MRC2: variants seen among roughly 807,000 people sequenced by gnomAD.
MRC2 encodes mannose receptor C-type 2.
A neutral mutation model predicts 206.2 loss-of-function variants in MRC2; 84 were observed. The ratio of observed to expected loss-of-function variants is 0.41; its 90% CI spans 0.34 to 0.49. MRC2 has a LOEUF of 0.49. MRC2 is among the 20% of genes least tolerant of loss of function. MRC2 has a pLI of 0.31. For synonymous variants in MRC2, 798 were observed against 800.0 expected (o/e 1.00, Z 0.04); for missense variants, 1,676 against 2,001.5 (o/e 0.84, Z 3.10).
intron 1 of MRC2, among the ~76,000 whole-genome samples, chr17:62,636,088 A>AT (rs1210168049): frequency 1.3e-3 from 181 of 144,354 alleles, no homozygotes; most frequent in Non-Finnish European, 1.2e-3. Flanking sequence ...CGCCCGGCCA[A>AT]TTTTTTTTTT....
At chr17:62,690,096 C>A in intron 25 of MRC2, 34 bp downstream of exon 25, 1 of 1,582,878 alleles carries the variant, frequency 6.3e-7, no homozygotes, top group Non-Finnish European at 8.6e-7. Flanking sequence ...GGGGCATGGG[C>A]AAGCTGTCGG....
chr17:62,651,744 G>C (rs1346260190), intron 1 of MRC2, among the ~76,000 whole-genome samples: 1 of 151,862 alleles, frequency 6.6e-6, no homozygotes. Flanking sequence ...GCTAATTTTT[G>C]TATTTTTATT....
intron 20 of MRC2, among the ~76,000 whole-genome samples, chr17:62,683,513 T>C (rs2088996403): frequency 6.9e-6 from 1 of 145,596 alleles, no homozygotes; most frequent in African/African-American, 2.5e-5. Context: ...AAAACACCTT[T>C]TTTTTTTTTT....
Position 62,689,483 on chromosome 17 carries a change from A to G in MRC2, c.3335-39A>G, listed in dbSNP as rs200375920. ...CTTGTGCCTGGGAACGGGGTGAGGG[A>G]AGCAGAGCCCAGCCTGAACCCTGAC... On this transcript the variant is annotated intron_variant, in intron 23 of 29. Transcript: ENST00000303375. 43 of 1,367,250 alleles carry G rather than the reference A, an allele frequency of 3.1e-5. No individual in the cohort carries two copies. In the East Asian group the frequency reaches 9.6e-4, roughly 31 times the overall value. The allele number at this position is 1,367,250 out of a possible 1,614,324, so 84.7% of individuals were successfully genotyped here. A position where few individuals can be genotyped will look rare whatever the true frequency, so the allele number is the denominator to read the frequency against.
intron 18 of MRC2, chr17:62,681,560 C>T (rs1215536320): frequency 1.1e-5 from 5 of 474,464 alleles, no homozygotes; most frequent in Non-Finnish European, 1.5e-5. Flanking sequence ...AGAATTTGAG[C>T]TTGTCTTTTT....
chr17:62,631,715 C>T (rs1044413819), intron 1 of MRC2, among the ~76,000 whole-genome samples: 14 of 151,930 alleles, frequency 9.2e-5, no homozygotes, highest in African/African-American at 3.1e-4. Context: ...AGGCCTGGAC[C>T]GAGCCGCCTG....
At position 62,664,494 on chromosome 17, in the gene MRC2, A is replaced by G; in HGVS notation, c.119-54A>G. On this transcript the variant is annotated intron_variant, in intron 1 of 29. Transcript: ENST00000303375. The surrounding 1 kb of genome is among the most constrained non-coding windows in gnomAD (Gnocchi z 4.7). ...TGCCTGTCAGCCACACCGGTCATCAAGGGCCAACCAGGAGAGCCCCTGTGA... is the reference window on the plus strand; with the variant it reads ...TGCCTGTCAGCCACACCGGTCATCAGGGGCCAACCAGGAGAGCCCCTGTGA... 1 of 1,551,086 alleles carries G rather than the reference A, an allele frequency of 6.4e-7. No individual in the cohort carries two copies. Among genetic ancestry groups the G allele is most frequent in the Non-Finnish European group, 8.7e-7 (1 of 1,149,782 alleles).
At chr17:62,637,830 C>T (rs1175565615) in intron 1 of MRC2, among the ~76,000 whole-genome samples, 1 of 152,196 alleles carries the variant, frequency 6.6e-6, no homozygotes, top group Non-Finnish European at 1.5e-5. Context: ...GCCTTTTTGT[C>T]ACTACACAGG....
chr17:62,649,690 C>T (rs767452846), intron 1 of MRC2, among the ~76,000 whole-genome samples: 5 of 152,056 alleles, frequency 3.3e-5, no homozygotes, highest in Admixed American at 6.6e-5. Flanking sequence ...AGCAACAGCT[C>T]ATTAGGAAAC....
In MRC2 at chr17:62,692,245, C is replaced by T. The variant is rs2089120798; in HGVS notation, c.4234C>T (p.Pro1412Ser). Reference sequence around the variant, plus strand: ...CGCCTTGGCAGCGCTTCCAGAGAACCCAGCGGCCCTGGTGGTGGTGCTGAT... The same window carrying T: ...CGCCTTGGCAGCGCTTCCAGAGAACTCAGCGGCCCTGGTGGTGGTGCTGAT... The part of the protein sequence containing the change: ...SFSPSALPEN[P>S]AALVVVLMAV... Residue 1412 changes from proline (P) to serine (S), a missense_variant, in exon 30 of 30, where the codon CCA becomes TCA. By Grantham distance (74) the Pro-to-Ser change is moderately conservative. Around this residue, in one of 3 missense-constraint regions of MRC2, gnomAD observed 1,354 missense variants for 1,636.6 expected, o/e 0.83. Transcript: ENST00000303375. This position sits in a 1 kb window ranked among gnomAD's most constrained non-coding sequence, Gnocchi z 4.2. 1.2e-6 allele frequency: 2 copies of T among 1,610,322 alleles called. No individual in the cohort carries two copies. The highest frequency in any genetic ancestry group is 8.5e-7 in the Non-Finnish European group (1 of 1,178,118).
intron 1 of MRC2, among the ~76,000 whole-genome samples, chr17:62,649,000 C>G (rs1187260415): frequency 6.6e-6 from 1 of 152,226 alleles, no homozygotes; most frequent in African/African-American, 2.4e-5. Flanking sequence ...CCTTCTCTCC[C>G]TTTGTCCTCC....
intron 1 of MRC2, among the ~76,000 whole-genome samples, chr17:62,663,928 C>G (rs1389525111): frequency 6.6e-6 from 1 of 150,592 alleles, no homozygotes; most frequent in African/African-American, 2.4e-5. Context: ...GAAAAGTATA[C>G]AGGTGATGTG....
intron 1 of MRC2, among the ~76,000 whole-genome samples, chr17:62,632,623 C>T (rs2088258571): frequency 6.6e-6 from 1 of 152,188 alleles, no homozygotes; most frequent in South Asian, 2.1e-4. Flanking sequence ...CTCCCCTCTT[C>T]TTTCCCACCT....
In MRC2 at chr17:62,692,748, G is replaced by A; in HGVS notation, c.*297G>A. ...AGAGGTAGGATGGGAGGGGGAACGAGAGCCTCTTTCTCCCCAGAGCCCCCG... is the reference window on the plus strand; with the variant it reads ...AGAGGTAGGATGGGAGGGGGAACGAAAGCCTCTTTCTCCCCAGAGCCCCCG... On this transcript the variant is annotated 3_prime_UTR_variant, in exon 30 of 30. Coordinates refer to ENST00000303375, the MANE Select transcript of MRC2 (RefSeq NM_006039.5). The surrounding 1 kb of genome is among the most constrained non-coding windows in gnomAD (Gnocchi z 4.2). 2.6e-6 allele frequency: 1 copy of A among 378,612 alleles called. No individual in the cohort carries two copies. The highest frequency in any genetic ancestry group is 3.2e-5 in the South Asian group (1 of 30,814). 23.5% of individuals were successfully genotyped at this position (378,612 alleles called of 1,614,324 possible). A position where few individuals can be genotyped will look rare whatever the true frequency, so the allele number is the denominator to read the frequency against.
intron 1 of MRC2, among the ~76,000 whole-genome samples, chr17:62,641,177 CG>C (rs1449591596): frequency 1.3e-5 from 2 of 149,752 alleles, no homozygotes; most frequent in Non-Finnish European, 3.0e-5. Flanking sequence ...AGAGAAAAAT[CG>C]GCTGGGTGCG....
rs1053196515 is a variant in MRC2, at chr17:62,670,289, C to A, written c.1118-1360C>A. On this transcript the variant is annotated intron_variant, in intron 6 of 29. Transcript: ENST00000303375. Reference sequence around the variant, plus strand: ...CAAGCTCCCTTCCGGTCCTTGAGGCCCCTCGGGTCTCAGCAGCCACTAAAA... The same window carrying A: ...CAAGCTCCCTTCCGGTCCTTGAGGCACCTCGGGTCTCAGCAGCCACTAAAA... Among the ~76,000 whole-genome samples, 8 of 152,366 alleles carry A rather than the reference C, an allele frequency of 5.3e-5. No homozygotes were observed. In the South Asian group the frequency reaches 6.2e-4, roughly 12 times the overall value.
Position 62,671,427 on chromosome 17 carries a change from C to T in MRC2, c.1118-222C>T, listed in dbSNP as rs1378771335. 6.6e-6 allele frequency among the ~76,000 whole-genome samples: 1 copy of T among 152,200 alleles called. No individual in the cohort carries two copies. ...GGAAGTGTTCTGTCCTGGGTGGAAT[C>T]TGCCACCACGACTTGGGTCTCTGTC... On this transcript the variant is annotated intron_variant, in intron 6 of 29. Coordinates refer to ENST00000303375, the MANE Select transcript of MRC2 (RefSeq NM_006039.5). This position sits in a 1 kb window ranked among gnomAD's most constrained non-coding sequence, Gnocchi z 4.5.
At chr17:62,650,494 A>T (rs9900368) in intron 1 of MRC2, among the ~76,000 whole-genome samples, 1,923 of 152,322 alleles carry the variant, frequency 0.013, 35 homozygotes, top group African/African-American at 0.043. Context: ...CCTGTGGGCT[A>T]TCATCTAAAA....
At chr17:62,644,661 G>A (rs970011789) in intron 1 of MRC2, among the ~76,000 whole-genome samples, 4 of 152,152 alleles carry the variant, frequency 2.6e-5, no homozygotes, top group Non-Finnish European at 5.9e-5. Context: ...TCCCAGTACC[G>A]TCCTGTAATT....
Sources: allele counts gnomAD v4.1 joint callset (sites outside exome capture counted in the v4.1 genomes callset), GRCh38; gene constraint gnomAD v4.1.1; regional missense constraint gnomAD v4.1.1; non-coding constraint Gnocchi (gnomAD v3.1); transcripts MANE v1.5; gene names NCBI Gene and HGNC (gene_info 2026-07-23, HGNC 2026-07-21).